ATP6V0D2: variants seen among roughly 807,000 people sequenced by gnomAD.
The protein encoded by ATP6V0D2 is ATPase H+ transporting V0 subunit d2, also known as V-type proton ATPase subunit d 2.
In ATP6V0D2, 40 loss-of-function variants were observed where a neutral mutation model predicts 40.0. The ratio of observed to expected loss-of-function variants is 1.00; its 90% CI spans 0.78 to 1.30. The LOEUF (loss-of-function observed/expected upper bound fraction) is 1.30, where lower values mean the gene tolerates loss of function less well. ATP6V0D2 is among the 50% of genes most tolerant of loss of function. The pLI is 0.00. For missense variants in ATP6V0D2, 470 were observed against 423.1 expected, an observed-to-expected ratio of 1.11 and a Z score of -0.97; for synonymous variants, 179 against 156.3, an observed-to-expected ratio of 1.15 and a Z score of -1.08.
intron 5 of ATP6V0D2, among the ~76,000 whole-genome samples, chr8:86,146,889 A>G (rs369087825): frequency 5.3e-5 from 8 of 152,232 alleles, no homozygotes; most frequent in African/African-American, 1.9e-4. Context: ...GGTTCCATGT[A>G]TATTCTCAAT....
intron 2 of ATP6V0D2, among the ~76,000 whole-genome samples, chr8:86,117,250 C>T (rs1326524739): frequency 6.6e-6 from 1 of 152,084 alleles, no homozygotes; most frequent in African/African-American, 2.4e-5. Context: ...TTATTGTACC[C>T]TGTTTAGAAA....
In ATP6V0D2 at chr8:86,151,755, CT is replaced by C. The variant is rs564476016; in HGVS notation, c.891+233del. ...CTGCTAAAGTTTGTAGCTTTTCTTT[CT>C]TTTTTTTTTTTTTTTTTATACCCTC... is the stretch of plus-strand genomic sequence containing the variant. On this transcript the variant is annotated intron_variant, in intron 7 of 7. Coordinates refer to ENST00000285393, the MANE Select transcript of ATP6V0D2 (RefSeq NM_152565.1). Among the ~76,000 whole-genome samples the C allele has an allele frequency of 0.099, 8,473 of 85,496 alleles. 402 individuals are homozygous for C. The highest frequency in any genetic ancestry group is 0.16 in the African/African-American group (5,155 of 31,286). The allele number at this position is 85,496 out of a possible 152,430, so 56.1% of individuals were successfully genotyped here. A position where few individuals can be genotyped will look rare whatever the true frequency, so the allele number is the denominator to read the frequency against.
chr8:86,139,160 G>A lies in ATP6V0D2; in HGVS notation c.303-297G>A, dbSNP rs145094846. On this transcript the variant is annotated intron_variant, in intron 2 of 7. Coordinates refer to ENST00000285393, the MANE Select transcript of ATP6V0D2 (RefSeq NM_152565.1). Reference sequence around the variant, plus strand: ...GGAGAATCACTTGAACCCAGGAGGCGGAGGTTGCAGTAAGCCAAGATTGGG... The same window carrying A: ...GGAGAATCACTTGAACCCAGGAGGCAGAGGTTGCAGTAAGCCAAGATTGGG... Among the ~76,000 whole-genome samples the A allele has an allele frequency of 6.6e-4, 100 of 151,544 alleles. 1 individual carries two copies. The highest frequency in any genetic ancestry group is 2.1e-3 in the African/African-American group (87 of 41,296).
intron 2 of ATP6V0D2, among the ~76,000 whole-genome samples, chr8:86,124,950 G>T (rs1342905028): frequency 6.6e-6 from 1 of 152,136 alleles, no homozygotes; most frequent in Non-Finnish European, 1.5e-5. Context: ...TTGTGTATTT[G>T]AGTATAATGT....
chr8:86,105,406 C>A (rs1378529620), intron 1 of ATP6V0D2, among the ~76,000 whole-genome samples: 2 of 151,878 alleles, frequency 1.3e-5, no homozygotes, highest in East Asian at 1.9e-4. Context: ...TTAAGCGACC[C>A]TCCCACCTCA....
intron 2 of ATP6V0D2, among the ~76,000 whole-genome samples, chr8:86,131,586 T>C (rs1320951017): frequency 6.6e-6 from 1 of 152,096 alleles, no homozygotes; most frequent in Non-Finnish European, 1.5e-5. Context: ...CTGCAACTTC[T>C]GCCTCCCGGG....
In ATP6V0D2 at chr8:86,099,085, T is replaced by A; in HGVS notation, c.107T>A (p.Leu36Gln). The change falls in exon 1 of 8, where the codon CTG becomes CAG. Residue 36 changes from leucine (L) to glutamine (Q), a missense_variant. Leu to Gln is a moderately radical substitution (Grantham distance 113). Transcript: ENST00000285393. ...CTGACCCAGCAAGACTATATCAACC[T>A]GGTCCAGTGTGAGACCCTAGAAGGT... The part of the protein sequence containing the change: ...SLLTQQDYIN[L>Q]VQCETLEDLK... 1 of 1,612,532 alleles carries A rather than the reference T, an allele frequency of 6.2e-7. No individual in the cohort carries two copies. The highest frequency in any genetic ancestry group is 8.5e-7 in the Non-Finnish European group (1 of 1,179,702).
intron 1 of ATP6V0D2, 35 bp downstream of exon 1, chr8:86,099,143 A>T: frequency 1.3e-6 from 2 of 1,560,526 alleles, no homozygotes; most frequent in Non-Finnish European, 1.7e-6. Context: ...TAAAAAGAAA[A>T]AAAAAAAAAT....
At chr8:86,133,550 T>C (rs1157489963) in intron 2 of ATP6V0D2, among the ~76,000 whole-genome samples, 9 of 151,952 alleles carry the variant, frequency 5.9e-5, no homozygotes, top group African/African-American at 2.2e-4. Flanking sequence ...CTTGAACTCC[T>C]GACCTTGTGA....
At chr8:86,102,479 A>G (rs746343743) in intron 1 of ATP6V0D2, among the ~76,000 whole-genome samples, 15 of 152,250 alleles carry the variant, frequency 9.9e-5, no homozygotes, top group Non-Finnish European at 1.8e-4. Context: ...TGTAAAAGAA[A>G]AACTAACTTG....
chr8:86,145,838 G>A (rs2130281611), intron 5 of ATP6V0D2, among the ~76,000 whole-genome samples: 1 of 152,082 alleles, frequency 6.6e-6, no homozygotes, highest in East Asian at 1.9e-4. Context: ...CCTTATCAAA[G>A]GTATACAATA....
intron 2 of ATP6V0D2, among the ~76,000 whole-genome samples, chr8:86,139,198 A>T (rs1442203880): frequency 6.7e-6 from 1 of 150,358 alleles, no homozygotes; most frequent in Non-Finnish European, 1.5e-5. Flanking sequence ...ACTGCACTCC[A>T]GTCAGGGTGA....
At chr8:86,137,891 A>T (rs964644388) in intron 2 of ATP6V0D2, among the ~76,000 whole-genome samples, 1 of 152,164 alleles carries the variant, frequency 6.6e-6, no homozygotes, top group South Asian at 2.1e-4. Flanking sequence ...TAATAATACG[A>T]CATACCTCAC....
intron 5 of ATP6V0D2, among the ~76,000 whole-genome samples, chr8:86,145,195 A>AAAAGAAAGAAAGAAAG (rs796950589): frequency 0.013 from 193 of 14,566 alleles, 1 homozygote; most frequent in Non-Finnish European, 0.016. Context: ...AGAAAGAAAG[A>AAAAGAAAGAAAGAAAG]AAAGAAAGAA....
intron 2 of ATP6V0D2, among the ~76,000 whole-genome samples, chr8:86,136,902 T>C (rs1231463008): frequency 1.3e-5 from 2 of 152,174 alleles, no homozygotes; most frequent in East Asian, 3.9e-4. Context: ...GGACTAGGTT[T>C]GCATTGTCCC....
intron 2 of ATP6V0D2, among the ~76,000 whole-genome samples, chr8:86,114,988 GA>G (rs2130240465): frequency 6.6e-6 from 1 of 152,300 alleles, no homozygotes; most frequent in Non-Finnish European, 1.5e-5. Flanking sequence ...ATAAGCCAAA[GA>G]TTAGTCAAAG....
At chr8:86,119,846 G>A (rs1164733503) in intron 2 of ATP6V0D2, among the ~76,000 whole-genome samples, 1 of 152,082 alleles carries the variant, frequency 6.6e-6, no homozygotes, top group Non-Finnish European at 1.5e-5. Flanking sequence ...CTTTGAATTA[G>A]TGCTTTTAGT....
intron 5 of ATP6V0D2, among the ~76,000 whole-genome samples, chr8:86,145,936 C>T (rs1394205202): frequency 1.3e-5 from 2 of 152,172 alleles, no homozygotes; most frequent in Admixed American, 1.3e-4. Flanking sequence ...CAAAACCACA[C>T]AGAATAGGTA....
intron 1 of ATP6V0D2, among the ~76,000 whole-genome samples, chr8:86,103,688 A>T (rs1307320386): frequency 6.6e-6 from 1 of 151,900 alleles, no homozygotes; most frequent in Admixed American, 6.6e-5. Flanking sequence ...AAAAATGAGA[A>T]CCCCTTAAGG....
Sources: allele counts gnomAD v4.1 joint callset (sites outside exome capture counted in the v4.1 genomes callset), GRCh38; gene constraint gnomAD v4.1.1; transcripts MANE v1.5; gene names NCBI Gene and HGNC (gene_info 2026-07-23, HGNC 2026-07-21).